Variants in POLK observed in about 807,000 individuals in gnomAD.
POLK encodes polymerase (DNA directed) kappa.
A neutral mutation model predicts 94.0 loss-of-function variants in POLK; 76 were observed. The observed-to-expected ratio is 0.81, with a 90% CI of 0.67 to 0.98. POLK has a LOEUF of 0.98. POLK is among the 50% of genes least tolerant of loss of function. The pLI is 0.00. For missense variants in POLK, 954 were observed against 1,010.1 expected (o/e 0.94, Z 0.75); for synonymous variants, 349 against 325.4 (o/e 1.07, Z -0.78).
chr5:75,529,276 G>A lies in POLK; in HGVS notation c.-14+17362G>A, dbSNP rs77768253. On this transcript the variant is annotated intron_variant, in intron 1 of 14. Transcript: ENST00000241436. ...AGAGCAGGAGCAAAAGAGAGAGGGG[G>A]GAGGTGCCACACTCTTTTTAACAAC... 5.4e-3 allele frequency among the ~76,000 whole-genome samples: 817 copies of A among 152,126 alleles called. 6 individuals carry two copies. The highest frequency in any genetic ancestry group is 0.018 in the African/African-American group (730 of 41,480).
chr5:75,545,835 G>T (rs933201024), intron 1 of POLK, among the ~76,000 whole-genome samples: 1 of 152,138 alleles, frequency 6.6e-6, no homozygotes, highest in Non-Finnish European at 1.5e-5. Flanking sequence ...TCCAACACAT[G>T]TGTTGCCACT....
chr5:75,552,987 A>G (rs190375903), intron 3 of POLK, among the ~76,000 whole-genome samples: 1 of 152,270 alleles, frequency 6.6e-6, no homozygotes, highest in East Asian at 1.9e-4. Flanking sequence ...TTGCAAAAAA[A>G]ATTTGAGGAA....
rs747875790 is a variant in POLK at position 75,569,502 on chromosome 5, G to A, written c.408+10G>A. 76 of 1,595,084 alleles carry A rather than the reference G, an allele frequency of 4.8e-5. No homozygotes were observed. Among genetic ancestry groups the A allele is most frequent in the Admixed American group, 1.4e-4 (8 of 55,298 alleles). On this transcript the variant is annotated intron_variant, in intron 4 of 14. Coordinates refer to ENST00000241436, the Ensembl canonical transcript of POLK. ...ATCAATGAGTATGCTGGTAAGTAAA[G>A]ATCAAATACAAAAAGGAAATTTTAT...
chr5:75,563,336 C>A (rs1207068364), intron 3 of POLK, among the ~76,000 whole-genome samples: 3 of 151,946 alleles, frequency 2.0e-5, no homozygotes, highest in African/African-American at 7.2e-5. Context: ...TTAATCTTTT[C>A]AAAAAAACCA....
At chr5:75,595,101 A>G (rs1013023205) in intron 12 of POLK, among the ~76,000 whole-genome samples, 1 of 151,978 alleles carries the variant, frequency 6.6e-6, no homozygotes, top group Non-Finnish European at 1.5e-5. Flanking sequence ...AACTACAAAA[A>G]ATTAGCTGGA....
In POLK at chr5:75,557,052, G is replaced by A. The variant is rs371212630; in HGVS notation, c.255+4461G>A. ...CACTCCAGCCTGGGCAACAGAATGAGACTCTGTCTCAAGAAAAGAAAAAAA... is the reference window on the plus strand; with the variant it reads ...CACTCCAGCCTGGGCAACAGAATGAAACTCTGTCTCAAGAAAAGAAAAAAA... On this transcript the variant is annotated intron_variant, in intron 3 of 14. Transcript: ENST00000241436. Among the ~76,000 whole-genome samples the A allele has an allele frequency of 7.9e-5, 12 of 152,196 alleles. No individual in the cohort carries two copies. In the East Asian group the frequency reaches 1.2e-3, roughly 15 times the overall value.
At chr5:75,531,262 CAATA>C (rs1219291574) in intron 1 of POLK, among the ~76,000 whole-genome samples, 1 of 149,894 alleles carries the variant, frequency 6.7e-6, no homozygotes, top group Non-Finnish European at 1.5e-5. Flanking sequence ...CAAATGAAAA[CAATA>C]TATATAGTAT....
intron 2 of POLK, among the ~76,000 whole-genome samples, chr5:75,547,611 C>T (rs1240613383): frequency 6.6e-6 from 1 of 152,130 alleles, no homozygotes; most frequent in East Asian, 1.9e-4. Context: ...ACAAACATTA[C>T]TAGTGAAGTA....
At chr5:75,560,208 T>C (rs1770896720) in intron 3 of POLK, among the ~76,000 whole-genome samples, 1 of 152,222 alleles carries the variant, frequency 6.6e-6, no homozygotes, top group Admixed American at 6.5e-5. Context: ...AATTATGATC[T>C]CAGAATTATG....
At chr5:75,547,129 T>G in exon 2 of POLK, 2 of 1,545,396 alleles carry the variant, frequency 1.3e-6, no homozygotes, top group Non-Finnish European at 1.8e-6. Flanking sequence ...AAAGAGAAAA[T>G]TAACAAAATT....
rs529772155 is a variant in POLK at position 75,570,115 on chromosome 5, C to T, written c.408+623C>T. Among the ~76,000 whole-genome samples the T allele has an allele frequency of 1.1e-4, 17 of 152,250 alleles. No homozygotes were observed. The South Asian group carries it at 1.5e-3, about 13-fold the overall frequency. ...TCTCAAAACTATCACCCCACCAGTC[C>T]GTGGAAAAATTGTCTTCCACGAAAC... On this transcript the variant is annotated intron_variant, in intron 4 of 14. Transcript: ENST00000241436.
At chr5:75,569,345 C>T (rs755004522) in exon 4 of POLK, 5 of 1,602,708 alleles carry the variant, frequency 3.1e-6, no homozygotes, top group Middle Eastern at 3.3e-4. Context: ...TTAAGGTTGA[C>T]AGATTTGCAA....
At chr5:75,530,250 T>C (rs1012359590) in intron 1 of POLK, among the ~76,000 whole-genome samples, 4 of 146,550 alleles carry the variant, frequency 2.7e-5, no homozygotes, top group Middle Eastern at 3.5e-3. Flanking sequence ...TATTTCTTTT[T>C]TTTTTTTTTT....
At chr5:75,572,187 T>G (rs1344920716) in intron 4 of POLK, among the ~76,000 whole-genome samples, 2 of 152,222 alleles carry the variant, frequency 1.3e-5, no homozygotes, top group Admixed American at 6.5e-5. Context: ...CACATAGACT[T>G]TCATCAGATA....
At chr5:75,541,382 T>G (rs758496512) in intron 1 of POLK, among the ~76,000 whole-genome samples, 1 of 152,136 alleles carries the variant, frequency 6.6e-6, no homozygotes, top group Non-Finnish European at 1.5e-5. Flanking sequence ...TATGTTTATA[T>G]CAGAATATTA....
intron 3 of POLK, among the ~76,000 whole-genome samples, chr5:75,561,585 C>T: frequency 6.6e-6 from 1 of 152,134 alleles, no homozygotes; most frequent in East Asian, 1.9e-4. Flanking sequence ...TTTGCCCATG[C>T]CTGTGTCCTG....
intron 3 of POLK, among the ~76,000 whole-genome samples, chr5:75,559,659 C>T (rs1276577685): frequency 1.3e-5 from 2 of 150,798 alleles, no homozygotes; most frequent in East Asian, 3.9e-4. Flanking sequence ...GCCTCAGCCT[C>T]CCAAGTAGTG....
intron 11 of POLK, among the ~76,000 whole-genome samples, chr5:75,591,000 G>A (rs1410108925): frequency 3.9e-5 from 6 of 152,110 alleles, no homozygotes; most frequent in African/African-American, 1.2e-4. Flanking sequence ...ACCAGAGGTA[G>A]AGTCAGTACA....
At chr5:75,519,669 G>A (rs1047925499) in intron 1 of POLK, among the ~76,000 whole-genome samples, 49 of 152,074 alleles carry the variant, frequency 3.2e-4, no homozygotes, top group Admixed American at 1.5e-3. Flanking sequence ...ACTTATAGTC[G>A]TATTTTATCT....
Sources: gnomAD v4.1 joint callset for allele counts (sites outside exome capture counted in the v4.1 genomes callset) on GRCh38, gnomAD v4.1.1 for gene constraint, MANE v1.5 for transcripts, NCBI Gene and HGNC (gene_info 2026-07-23, HGNC 2026-07-21) for gene names.